The following RORA variants were observed in gnomAD, a reference collection of about 807,000 sequenced individuals.
RORA encodes the protein nuclear receptor ROR-alpha.
Under a neutral mutation model 69.5 loss-of-function variants are expected in RORA, and 7 were observed. The ratio of observed to expected loss-of-function variants is 0.10; its 90% CI spans 0.06 to 0.19. The LOEUF is 0.19. Among genes scored for constraint, RORA ranks in the 10% least tolerant of loss-of-function variants. The probability of loss-of-function intolerance (pLI) is 1.00; values close to 1 mark genes in which losing one functional copy is unlikely to be tolerated. For synonymous variants in RORA, 261 were observed against 240.8 expected (o/e 1.08, Z -0.78); for missense variants, 457 against 663.0 (o/e 0.69, Z 3.41).
rs551980669 is a variant in RORA, at chr15:60,865,648, T to C, written c.167-186962A>G. On this transcript the variant is annotated intron_variant, in intron 1 of 10. Transcript: ENST00000335670. ...TAAATCAAATCAGTTACATTCAGCCTGACTCATCTTTTGTCTATCTTTTCT... is the reference window on the plus strand; with the variant it reads ...TAAATCAAATCAGTTACATTCAGCCCGACTCATCTTTTGTCTATCTTTTCT... 2.0e-5 allele frequency among the ~76,000 whole-genome samples: 3 copies of C among 152,354 alleles called. No homozygotes were observed. In the East Asian group the frequency reaches 5.8e-4, roughly 29 times the overall value.
chr15:60,574,949 G>A (rs1377630065), intron 2 of RORA, among the ~76,000 whole-genome samples: 2 of 151,942 alleles, frequency 1.3e-5, no homozygotes, highest in Admixed American at 6.6e-5. Flanking sequence ...AGGAGAGAAC[G>A]GGACAGAAGA....
chr15:60,573,892 C>T (rs2067953185), intron 2 of RORA, among the ~76,000 whole-genome samples: 1 of 152,214 alleles, frequency 6.6e-6, no homozygotes, highest in South Asian at 2.1e-4. Context: ...CCTGTGAGCT[C>T]CTTGAAGGCA....
intron 1 of RORA, among the ~76,000 whole-genome samples, chr15:61,023,701 C>T (rs989753621): frequency 6.6e-6 from 1 of 152,150 alleles, no homozygotes; most frequent in Non-Finnish European, 1.5e-5. Context: ...ATATTTTTGT[C>T]TAAGCATATT....
At chr15:60,971,742 G>A (rs1893720646) in intron 1 of RORA, among the ~76,000 whole-genome samples, 1 of 152,214 alleles carries the variant, frequency 6.6e-6, no homozygotes, top group African/African-American at 2.4e-5. Flanking sequence ...ACCCTGCGGA[G>A]GTGTTCACTA....
chr15:61,019,340 C>A (rs1314925228), intron 1 of RORA, among the ~76,000 whole-genome samples: 1 of 152,180 alleles, frequency 6.6e-6, no homozygotes, highest in East Asian at 1.9e-4. Context: ...TTCATCATGC[C>A]CTTTCTTTAA....
intron 1 of RORA, among the ~76,000 whole-genome samples, chr15:61,043,214 A>G (rs1595910179): frequency 6.6e-6 from 1 of 152,200 alleles, no homozygotes; most frequent in East Asian, 1.9e-4. Flanking sequence ...CCCACGTCCA[A>G]TCTAGGTAAC....
intron 1 of RORA, among the ~76,000 whole-genome samples, chr15:61,040,703 T>C (rs892016973): frequency 1.1e-4 from 17 of 152,138 alleles, no homozygotes; most frequent in African/African-American, 3.9e-4. Flanking sequence ...CTTAAAAATA[T>C]TCATCGAATA....
chr15:60,719,678 G>T (rs1284153316), intron 1 of RORA, among the ~76,000 whole-genome samples: 1 of 152,166 alleles, frequency 6.6e-6, no homozygotes, highest in Non-Finnish European at 1.5e-5. Context: ...GCTACGTCCT[G>T]CTGCTGCTCC....
Position 60,516,221 on chromosome 15 carries a change from ATT to A in RORA, c.283-1466_283-1465del, listed in dbSNP as rs1183206933. Among the ~76,000 whole-genome samples, 10 of 7,686 alleles carry A rather than the reference ATT, an allele frequency of 1.3e-3. 1 individual carries two copies. Among genetic ancestry groups the A allele is most frequent in the East Asian group, 0.013 (2 of 158 alleles). 5.0% of individuals were successfully genotyped at this position (7,686 alleles called of 152,430 possible). ...TTTATATATATATTTATATATATAT[ATT>A]TATATATATATTTATATATATATAT... On this transcript the variant is annotated intron_variant, in intron 3 of 10. Transcript: ENST00000335670.
At chr15:60,756,753 T>G (rs1475281916) in intron 1 of RORA, among the ~76,000 whole-genome samples, 1 of 152,184 alleles carries the variant, frequency 6.6e-6, no homozygotes, top group Non-Finnish European at 1.5e-5. Flanking sequence ...ATTTTGTCTG[T>G]TTTTGACTAC....
chr15:61,193,056 C>T (rs2079815416), intron 1 of RORA, among the ~76,000 whole-genome samples: 1 of 57,124 alleles, frequency 1.8e-5, no homozygotes, highest in African/African-American at 6.9e-5. Flanking sequence ...AACGCCCTCA[C>T]CAGCCCCTAT....
chr15:60,528,053 C>CTTCTT (rs2066416618), intron 3 of RORA: 1 of 152,392 alleles, frequency 6.6e-6, no homozygotes, highest in Non-Finnish European at 1.5e-5. Flanking sequence ...TGGATATGTG[C>CTTCTT]TTCTTTTTTC....
chr15:61,191,983 C>T (rs1474132700), intron 1 of RORA, among the ~76,000 whole-genome samples: 2 of 152,236 alleles, frequency 1.3e-5, no homozygotes. Context: ...TTAATCTAAA[C>T]CTTGCTTAAT....
intron 1 of RORA, among the ~76,000 whole-genome samples, chr15:60,813,059 T>C (rs1489545143): frequency 2.0e-5 from 3 of 152,148 alleles, no homozygotes; most frequent in African/African-American, 7.2e-5. Context: ...TGCAGATCGG[T>C]GGTCTTTCTC....
chr15:61,138,049 T>C (rs914385151), intron 1 of RORA, among the ~76,000 whole-genome samples: 1 of 152,156 alleles, frequency 6.6e-6, no homozygotes, highest in Non-Finnish European at 1.5e-5. Flanking sequence ...ATTGAGTCAT[T>C]TGGGAAGAAT....
chr15:60,856,209 C>T (rs1026046327), intron 1 of RORA, among the ~76,000 whole-genome samples: 1 of 152,172 alleles, frequency 6.6e-6, no homozygotes, highest in African/African-American at 2.4e-5. Context: ...GAAAAGAGCT[C>T]AGGTAAAACT....
chr15:61,087,817 G>C (rs1388655670), intron 1 of RORA, among the ~76,000 whole-genome samples: 1 of 152,196 alleles, frequency 6.6e-6, no homozygotes, highest in Non-Finnish European at 1.5e-5. Context: ...TTTTTTATGT[G>C]TTCTGCAGTG....
At chr15:60,920,709 T>G (rs1892016491) in intron 1 of RORA, among the ~76,000 whole-genome samples, 1 of 152,238 alleles carries the variant, frequency 6.6e-6, no homozygotes. Flanking sequence ...TGCTATAATA[T>G]TGACAAATCT....
At chr15:60,989,585 C>A (rs1042108134) in intron 1 of RORA, among the ~76,000 whole-genome samples, 16 of 152,204 alleles carry the variant, frequency 1.1e-4, no homozygotes, top group African/African-American at 3.9e-4. Flanking sequence ...AGTGGAATTG[C>A]TGCTTTACGT....
Sources: gnomAD v4.1 joint callset for allele counts (sites outside exome capture counted in the v4.1 genomes callset) on GRCh38, gnomAD v4.1.1 for gene constraint, MANE v1.5 for transcripts, NCBI Gene and HGNC (gene_info 2026-07-23, HGNC 2026-07-21) for gene names.